SLC4A5: variants seen among roughly 807,000 people sequenced by gnomAD.
The protein encoded by SLC4A5 is solute carrier family 4 member 5.
Under a neutral mutation model 120.4 loss-of-function variants are expected in SLC4A5, and 96 were observed. The ratio of observed to expected loss-of-function variants is 0.80; its 90% CI spans 0.68 to 0.94. The LOEUF (loss-of-function observed/expected upper bound fraction) is 0.94, where lower values mean the gene tolerates loss of function less well. Among genes scored for constraint, SLC4A5 ranks in the 40% least tolerant of loss-of-function variants. The pLI is 0.00. For synonymous variants in SLC4A5, 550 were observed against 571.1 expected (o/e 0.96, Z 0.53); for missense variants, 1,259 against 1,459.5 (o/e 0.86, Z 2.24).
intron 14 of SLC4A5, 74 bp from the exon 15 acceptor site, chr2:74,253,202 G>GT: frequency 6.4e-7 from 1 of 1,556,412 alleles, no homozygotes. Context: ...ATCACATCTA[G>GT]TTTTTAAAGG....
chr2:74,232,405 C>T, intron 24 of SLC4A5, 64 bp downstream of exon 24: 1 of 1,561,182 alleles, frequency 6.4e-7, no homozygotes, highest in Non-Finnish European at 8.6e-7. Flanking sequence ...CAGGCAAAGC[C>T]AGCTTCTCCT....
intron 8 of SLC4A5, among the ~76,000 whole-genome samples, chr2:74,276,807 G>A (rs1300076717): frequency 6.8e-6 from 1 of 148,006 alleles, no homozygotes; most frequent in Admixed American, 6.7e-5. Context: ...GGCAATCAAA[G>A]TTGGACAGAT....
intron 4 of SLC4A5, among the ~76,000 whole-genome samples, chr2:74,333,561 G>C (rs1306489253): frequency 1.3e-5 from 2 of 152,172 alleles, no homozygotes; most frequent in Non-Finnish European, 2.9e-5. Context: ...CATTGTATTA[G>C]GTATTCGAAG....
At chr2:74,305,308 C>T (rs1159621247) in intron 6 of SLC4A5, among the ~76,000 whole-genome samples, 1 of 152,130 alleles carries the variant, frequency 6.6e-6, no homozygotes, top group Non-Finnish European at 1.5e-5. Context: ...TAGGACATTG[C>T]TATCAGTTTA....
intron 8 of SLC4A5, among the ~76,000 whole-genome samples, chr2:74,284,878 G>A (rs1173456747): frequency 6.6e-6 from 1 of 152,084 alleles, no homozygotes; most frequent in Non-Finnish European, 1.5e-5. Flanking sequence ...CAACTCTGCA[G>A]CCCCAAACTC....
chr2:74,312,435 G>T (rs1212600643), intron 6 of SLC4A5, among the ~76,000 whole-genome samples: 3 of 151,942 alleles, frequency 2.0e-5, no homozygotes, highest in Non-Finnish European at 1.5e-5. Flanking sequence ...TCACCATGTT[G>T]GCCAGGCTGG....
At chr2:74,294,283 G>A (rs1672262645) in intron 7 of SLC4A5, among the ~76,000 whole-genome samples, 1 of 152,156 alleles carries the variant, frequency 6.6e-6, no homozygotes, top group African/African-American at 2.4e-5. Context: ...AATCAGAAAG[G>A]CCCCGAGCAT....
Position 74,227,546 on chromosome 2 carries a change from C to T in SLC4A5, c.2916+264G>A, listed in dbSNP as rs149351086. 5.2e-4 allele frequency: 840 copies of T among 1,612,240 alleles called. 8 individuals carry two copies. The highest frequency in any genetic ancestry group is 3.8e-3 in the Middle Eastern group (23 of 6,058). ...GTCAGCTTCTTCTGGATTTTGAATT[C>T]TGACCCTCCGGTCCCCATCTGTAAA... On this transcript the variant is annotated intron_variant, in intron 26 of 30. Coordinates refer to ENST00000394019, the Ensembl canonical transcript of SLC4A5.
intron 24 of SLC4A5, among the ~76,000 whole-genome samples, chr2:74,232,070 C>T (rs34119571): frequency 2.6e-4 from 39 of 152,274 alleles, no homozygotes; most frequent in African/African-American, 7.9e-4. Context: ...GGACAGCCTT[C>T]TGGAGGAATA....
chr2:74,252,440 C>G (rs772316315), intron 15 of SLC4A5, 52 bp from the exon 16 acceptor site: 1 of 1,568,648 alleles, frequency 6.4e-7, no homozygotes, highest in South Asian at 1.1e-5. Context: ...CACCCCTCAC[C>G]TCTCCAACCA....
intron 5 of SLC4A5, among the ~76,000 whole-genome samples, chr2:74,327,118 C>G (rs1468233133): frequency 6.6e-6 from 1 of 152,174 alleles, no homozygotes; most frequent in Non-Finnish European, 1.5e-5. Context: ...AGTTTCATTA[C>G]TAGGGAAGAA....
intron 8 of SLC4A5, among the ~76,000 whole-genome samples, chr2:74,272,658 T>C (rs1294490947): frequency 6.6e-6 from 1 of 152,252 alleles, no homozygotes; most frequent in Non-Finnish European, 1.5e-5. Flanking sequence ...GACTGGAATG[T>C]AGCTAAAAGG....
At chr2:74,291,240 G>A (rs747431663) in intron 7 of SLC4A5, among the ~76,000 whole-genome samples, 1 of 152,252 alleles carries the variant, frequency 6.6e-6, no homozygotes, top group Non-Finnish European at 1.5e-5. Context: ...CGTCACTTCA[G>A]AGTGTGAGGT....
chr2:74,266,779 A>T (rs1671315532), intron 8 of SLC4A5, among the ~76,000 whole-genome samples: 1 of 152,206 alleles, frequency 6.6e-6, no homozygotes. Flanking sequence ...GTGGAGAAAG[A>T]CTTCCTAAAC....
rs1671261211 is a variant in SLC4A5, at chr2:74,265,094, C to T, written c.562+10G>A. 1 of 1,609,788 alleles carries T rather than the reference C, an allele frequency of 6.2e-7. No individual in the cohort carries two copies. The highest frequency in any genetic ancestry group is 8.5e-7 in the Non-Finnish European group (1 of 1,177,098). On this transcript the variant is annotated intron_variant, in intron 9 of 30. Transcript: ENST00000394019. ...CACAGGAGAGATGCACACAGTGGCC[C>T]CTGCCTCACCTATGATCTGTGGTAA...
At chr2:74,328,728 C>T (rs907987290) in intron 4 of SLC4A5, among the ~76,000 whole-genome samples, 1 of 152,170 alleles carries the variant, frequency 6.6e-6, no homozygotes, top group Non-Finnish European at 1.5e-5. Flanking sequence ...ATGTCTCCAA[C>T]TTTTAAGTTG....
chr2:74,297,657 AT>A (rs546423673), intron 7 of SLC4A5, among the ~76,000 whole-genome samples: 315 of 152,198 alleles, frequency 2.1e-3, no homozygotes, highest in African/African-American at 2.8e-3. Context: ...CAGAAAACAC[AT>A]TTTTTCCCCC....
At chr2:74,315,104 C>G in intron 5 of SLC4A5, 79 bp from the exon 6 acceptor site, 1 of 1,186,438 alleles carries the variant, frequency 8.4e-7, no homozygotes, top group South Asian at 1.2e-5. Context: ...GTCAAATCCA[C>G]AGTCATAATG....
chr2:74,233,534 C>T (rs781122590), exon 23 of SLC4A5: 12 of 1,613,784 alleles, frequency 7.4e-6, no homozygotes, highest in Non-Finnish European at 1.0e-5. Context: ...CAAAGGGGGC[C>T]ACGAACCAGC....
Sources: gnomAD v4.1 joint callset for allele counts (sites outside exome capture counted in the v4.1 genomes callset) on GRCh38, gnomAD v4.1.1 for gene constraint, MANE v1.5 for transcripts, NCBI Gene and HGNC (gene_info 2026-07-23, HGNC 2026-07-21) for gene names.